The following XYLT1 variants were observed in gnomAD, a reference collection of about 807,000 sequenced individuals.
The protein encoded by XYLT1 is beta-D-xylosyltransferase 1.
Under a neutral mutation model 91.3 loss-of-function variants are expected in XYLT1, and 36 were observed. That is an observed-to-expected ratio of 0.39 (90% CI 0.30 to 0.52). The LOEUF is 0.52. Ranked by LOEUF, XYLT1 falls within the 20% of genes least tolerant of loss-of-function variation. XYLT1 has a pLI of 0.68. For missense variants in XYLT1, 1,242 were observed against 1,284.5 expected (o/e 0.97, Z 0.51); for synonymous variants, 588 against 532.0 (o/e 1.11, Z -1.45).
At chr16:17,251,656 G>C (rs2033540114) in intron 3 of XYLT1, among the ~76,000 whole-genome samples, 1 of 152,216 alleles carries the variant, frequency 6.6e-6, no homozygotes, top group Non-Finnish European at 1.5e-5. Flanking sequence ...ACATGCAGGT[G>C]TTCAAAATGT....
chr16:17,117,991 G>A lies in XYLT1; in HGVS notation c.2224-12C>T, dbSNP rs12325442. Reference sequence around the variant, plus strand: ...CAGTCAGTGCCGACCTGAAACAGGGGAGTGAATTCTGAAGTCACTGGGCCT... The same window carrying A: ...CAGTCAGTGCCGACCTGAAACAGGGAAGTGAATTCTGAAGTCACTGGGCCT... On this transcript the variant is annotated splice_polypyrimidine_tract_variant and intron_variant, in intron 10 of 11. Coordinates refer to ENST00000261381, the MANE Select transcript of XYLT1 (RefSeq NM_022166.4). 0.011 allele frequency: 17,813 copies of A among 1,600,706 alleles called. 1,545 individuals carry two copies. In the African/African-American group the frequency reaches 0.2, roughly 18 times the overall value.
At chr16:17,402,082 T>A (rs2035975857) in intron 1 of XYLT1, among the ~76,000 whole-genome samples, 1 of 151,570 alleles carries the variant, frequency 6.6e-6, no homozygotes, top group Non-Finnish European at 1.5e-5. Context: ...GTGAATAGCT[T>A]GAGCCCAGGA....
intron 1 of XYLT1, among the ~76,000 whole-genome samples, chr16:17,382,728 A>C (rs1308227187): frequency 6.6e-6 from 1 of 151,854 alleles, no homozygotes; most frequent in African/African-American, 2.4e-5. Context: ...ACCACAACAC[A>C]CATGCTCCAG....
At chr16:17,227,732 C>T (rs1226078123) in intron 3 of XYLT1, 1 of 152,344 alleles carries the variant, frequency 6.6e-6, no homozygotes, top group African/African-American at 2.4e-5. Flanking sequence ...GAAGAGAAGA[C>T]AGAGGCAGAA....
At chr16:17,252,428 G>T (rs191441811) in intron 3 of XYLT1, among the ~76,000 whole-genome samples, 1 of 152,218 alleles carries the variant, frequency 6.6e-6, no homozygotes, top group Non-Finnish European at 1.5e-5. Flanking sequence ...AGACCCTAGG[G>T]TGTGTGGCTC....
chr16:17,188,310 T>TCAC (rs1277289864), intron 5 of XYLT1, among the ~76,000 whole-genome samples: 4 of 152,092 alleles, frequency 2.6e-5, no homozygotes, highest in African/African-American at 7.2e-5. Context: ...CCCTAAAACC[T>TCAC]CACCGCTCAC....
At chr16:17,212,773 A>T (rs1417745493) in intron 3 of XYLT1, among the ~76,000 whole-genome samples, 1 of 152,184 alleles carries the variant, frequency 6.6e-6, no homozygotes, top group Non-Finnish European at 1.5e-5. Context: ...TATACTGCTC[A>T]ATAAATGGAA....
At chr16:17,169,193 C>G (rs1361524365) in intron 5 of XYLT1, among the ~76,000 whole-genome samples, 1 of 152,162 alleles carries the variant, frequency 6.6e-6, no homozygotes, top group Non-Finnish European at 1.5e-5. Context: ...TGAAGTGAGA[C>G]AGCAGATGAA....
In XYLT1 at chr16:17,108,570, A is replaced by G; in HGVS notation, c.*125T>C. The G allele has an allele frequency of 1.1e-6, 1 of 943,292 alleles. No individual in the cohort carries two copies. Among genetic ancestry groups the G allele is most frequent in the Non-Finnish European group, 1.5e-6 (1 of 664,018 alleles). The allele number at this position is 943,292 out of a possible 1,614,324, so 58.4% of individuals were successfully genotyped here. ...GCTGACCTTCCCTTTCCATCATTCT[A>G]TGGCCAGGAGAGACCCATTCACAGA... is the stretch of plus-strand genomic sequence containing the variant. On this transcript the variant is annotated 3_prime_UTR_variant, in exon 12 of 12. Coordinates refer to ENST00000261381, the MANE Select transcript of XYLT1 (RefSeq NM_022166.4).
intron 2 of XYLT1, among the ~76,000 whole-genome samples, chr16:17,339,955 T>A (rs546459817): frequency 6.6e-6 from 1 of 151,836 alleles, no homozygotes; most frequent in East Asian, 1.9e-4. Context: ...CCCTCCATCA[T>A]ACATCCATCC....
intron 1 of XYLT1, among the ~76,000 whole-genome samples, chr16:17,366,138 T>C (rs2035452019): frequency 6.6e-6 from 1 of 150,762 alleles, no homozygotes; most frequent in South Asian, 2.1e-4. Flanking sequence ...AAAACCAGGA[T>C]ACTTCACATG....
Position 17,466,901 on chromosome 16 carries a change from C to T in XYLT1, c.363+3533G>A, listed in dbSNP as rs202216672. On this transcript the variant is annotated intron_variant, in intron 1 of 11. Coordinates refer to ENST00000261381, the MANE Select transcript of XYLT1 (RefSeq NM_022166.4). ...TCCATTGAAAGTGTGAAAAAAAAAA[C>T]GAACCATCAATAACATACCCTGTTT... 5.4e-5 allele frequency among the ~76,000 whole-genome samples: 8 copies of T among 147,300 alleles called. No individual in the cohort carries two copies. In the South Asian group the frequency reaches 6.6e-4, roughly 12 times the overall value.
At chr16:17,243,603 T>C (rs1017443620) in intron 3 of XYLT1, among the ~76,000 whole-genome samples, 1 of 152,118 alleles carries the variant, frequency 6.6e-6, no homozygotes, top group African/African-American at 2.4e-5. Context: ...TTGCACAAGG[T>C]CCCGAGTGAG....
chr16:17,388,232 T>C (rs1269641767), intron 1 of XYLT1, among the ~76,000 whole-genome samples: 1 of 152,132 alleles, frequency 6.6e-6, no homozygotes, highest in Non-Finnish European at 1.5e-5. Flanking sequence ...CAAAACACAC[T>C]ATCCAAATAC....
rs1244198447 is a variant in XYLT1 at position 17,103,239 on chromosome 16, G to C, written c.*5456C>G. 6.6e-6 allele frequency: 1 copy of C among 152,612 alleles called. No homozygotes were observed. The highest frequency in any genetic ancestry group is 1.9e-4 in the East Asian group (1 of 5,186). 9.5% of individuals were successfully genotyped at this position (152,612 alleles called of 1,614,324 possible). A position where few individuals can be genotyped will look rare whatever the true frequency, so the allele number is the denominator to read the frequency against. On this transcript the variant is annotated 3_prime_UTR_variant, in exon 12 of 12. Transcript: ENST00000261381. Reference sequence around the variant, plus strand: ...GTACATATAAAGTCACCCAGTCTTGGGGGCAGGGGAGGTCTGCAAAGCCTT... The same window carrying C: ...GTACATATAAAGTCACCCAGTCTTGCGGGCAGGGGAGGTCTGCAAAGCCTT...
rs187303666 is a variant in XYLT1, at chr16:17,129,615, G to A, written c.2028-1754C>T. On this transcript the variant is annotated intron_variant, in intron 9 of 11. Coordinates refer to ENST00000261381, the MANE Select transcript of XYLT1 (RefSeq NM_022166.4). ...TTTGGGGAACAGGTGGTGTTTGGTT[G>A]CATGAGTAAGTTCTTTAGTGATGAT... Among the ~76,000 whole-genome samples the A allele has an allele frequency of 2.7e-4, 41 of 152,278 alleles. No homozygotes were observed. In the East Asian group the frequency reaches 5.6e-3, roughly 21 times the overall value.
At chr16:17,383,160 G>A (rs1055421274) in intron 1 of XYLT1, among the ~76,000 whole-genome samples, 4 of 151,778 alleles carry the variant, frequency 2.6e-5, no homozygotes, top group African/African-American at 4.8e-5. Context: ...GGGACAGACC[G>A]TTCCTTCTAA....
At chr16:17,296,010 T>A (rs1309737166) in intron 2 of XYLT1, among the ~76,000 whole-genome samples, 14 of 151,758 alleles carry the variant, frequency 9.2e-5, no homozygotes, top group Non-Finnish European at 4.4e-5. Flanking sequence ...ATTTCTCGCA[T>A]TCATAGAGTA....
chr16:17,276,493 T>C (rs1391008683), intron 2 of XYLT1, among the ~76,000 whole-genome samples: 6 of 152,204 alleles, frequency 3.9e-5, no homozygotes. Context: ...AATGTACCCC[T>C]CTTGGCCATA....
Sources: allele counts gnomAD v4.1 joint callset (sites outside exome capture counted in the v4.1 genomes callset), GRCh38; gene constraint gnomAD v4.1.1; transcripts MANE v1.5; gene names NCBI Gene and HGNC (gene_info 2026-07-23, HGNC 2026-07-21).